Variants in OR6Y1 observed in about 807,000 individuals in gnomAD.
OR6Y1 encodes olfactory receptor family 6 subfamily Y member 1.
Under a neutral mutation model 0.4 loss-of-function variants are expected in OR6Y1, and 1 was observed. The observed-to-expected ratio is 2.74, with a 90% CI of 0.97 to 13.02. The LOEUF (loss-of-function observed/expected upper bound fraction) is 13.02. OR6Y1 is among the 30% of genes most tolerant of loss of function. The pLI is 0.12. For synonymous variants in OR6Y1, 173 were observed against 141.1 expected, an observed-to-expected ratio of 1.23 and a Z score of -1.60; for missense variants, 480 against 399.8, an observed-to-expected ratio of 1.20 and a Z score of -1.71.
chr1:158,550,413 A>G (rs1377480448), intron 1 of OR6Y1, among the ~76,000 whole-genome samples: 1 of 151,500 alleles, frequency 6.6e-6, no homozygotes, highest in African/African-American at 2.4e-5. Context: ...ATACAAGGAA[A>G]TAAAAAGGAA....
At position 158,547,447 on chromosome 1, in the gene OR6Y1, A is replaced by G; in HGVS notation, c.659T>C (p.Val220Ala). ...GGCAAGGATAGCAGCGTAGGATGCC[A>G]CCACAACACAAAGAGGAATAGCAAT... ...MVIAIPLCVV[V>A]ASYAAILATI... Residue 220 changes from valine (V) to alanine (A), a missense_variant, in exon 2 of 2, where the codon GTG (valine) becomes GCG (alanine). Val to Ala is a moderately conservative substitution (Grantham distance 64, BLOSUM62 0). Coordinates refer to ENST00000641622, the MANE Select transcript of OR6Y1 (RefSeq NM_001005189.2). 1 of 1,613,572 alleles carries G rather than the reference A, an allele frequency of 6.2e-7. No homozygotes were observed. Among genetic ancestry groups the G allele is most frequent in the Non-Finnish European group, 8.5e-7 (1 of 1,179,998 alleles).
Position 158,548,748 on chromosome 1 carries a change from A to T in OR6Y1, c.-643T>A, listed in dbSNP as rs1647624307. ...TTCTTCAATACAATCCATTGTATAA[A>T]GTGCTTGCTTAGGAGTTTGACAAAA... On this transcript the variant is annotated 5_prime_UTR_variant, in exon 2 of 2. Coordinates refer to ENST00000641622, the MANE Select transcript of OR6Y1 (RefSeq NM_001005189.2). The T allele has an allele frequency of 6.6e-6, 1 of 151,922 alleles. No individual in the cohort carries two copies. The highest frequency in any genetic ancestry group is 1.5e-5 in the Non-Finnish European group (1 of 68,078). The allele number at this position is 151,922 out of a possible 1,614,324, so 9.4% of individuals were successfully genotyped here. A position where few individuals can be genotyped will look rare whatever the true frequency, so the allele number is the denominator to read the frequency against.
At chr1:158,553,001 C>T (rs1647740503) in intron 1 of OR6Y1, among the ~76,000 whole-genome samples, 1 of 152,174 alleles carries the variant, frequency 6.6e-6, no homozygotes, top group Non-Finnish European at 1.5e-5. Flanking sequence ...GAATGCCTTG[C>T]TGCTATGTAG....
chr1:158,553,548 A>G (rs1647757050), intron 1 of OR6Y1, among the ~76,000 whole-genome samples: 1 of 151,962 alleles, frequency 6.6e-6, no homozygotes, highest in Non-Finnish European at 1.5e-5. Context: ...ACAATTATAT[A>G]TATATACATA....
rs1374489183 is a variant in OR6Y1, at chr1:158,548,269, G to C, written c.-164C>G. 1.4e-5 allele frequency: 9 copies of C among 646,238 alleles called. No individual in the cohort carries two copies. The highest frequency in any genetic ancestry group is 2.3e-5 in the Non-Finnish European group (9 of 390,882). The allele number at this position is 646,238 out of a possible 1,614,324, so 40.0% of individuals were successfully genotyped here. ...AATTATGAAGAGAACCAAAGCTTTT[G>C]AGAAAAGATGGAATTTAGGGAGCTT... On this transcript the variant is annotated 5_prime_UTR_variant, in exon 2 of 2. The change creates a premature stop within an existing upstream ORF in the 5' untranslated region. Transcript: ENST00000641622.
chr1:158,549,780 G>C (rs934050630), intron 1 of OR6Y1, among the ~76,000 whole-genome samples: 1 of 151,606 alleles, frequency 6.6e-6, no homozygotes, highest in African/African-American at 2.4e-5. Flanking sequence ...GGACTTACAA[G>C]CAAGGCAAGG....
rs1647616702 is a variant in OR6Y1, at chr1:158,548,541, CATGACCCCACTT to C, written c.-448_-437del. The C allele has an allele frequency of 6.3e-6, 1 of 159,032 alleles. No homozygotes were observed. Among genetic ancestry groups the C allele is most frequent in the Non-Finnish European group, 1.4e-5 (1 of 72,450 alleles). The allele number at this position is 159,032 out of a possible 1,614,324, so 9.9% of individuals were successfully genotyped here. On this transcript the variant is annotated 5_prime_UTR_variant, in exon 2 of 2. It adds an upstream start codon to the 5' untranslated region. Coordinates refer to ENST00000641622, the MANE Select transcript of OR6Y1 (RefSeq NM_001005189.2). The stretch of plus-strand genomic sequence containing the variant: ...AATTTGGGTGACTCTGGAGTGGTTG[CATGACCCCACTT>C]ATCTGTAAAATGGAGAGAACGTTCT...
At position 158,549,133 on chromosome 1, in the gene OR6Y1, T is replaced by A. The variant is rs947994088; in HGVS notation, c.-1028A>T. 6.6e-6 allele frequency: 1 copy of A among 151,562 alleles called. No homozygotes were observed. The highest frequency in any genetic ancestry group is 2.4e-5 in the African/African-American group (1 of 40,952). 9.4% of individuals were successfully genotyped at this position (151,562 alleles called of 1,614,324 possible). On this transcript the variant is annotated 5_prime_UTR_variant, in exon 2 of 2. Coordinates refer to ENST00000641622, the MANE Select transcript of OR6Y1 (RefSeq NM_001005189.2). ...GAGGACCGTGGGACTTTTCCAAGGG[T>A]AATAAATTTAAAAACTGTAATCTGT...
At position 158,547,691 on chromosome 1, in the gene OR6Y1, C is replaced by T. The variant is rs138675073; in HGVS notation, c.415G>A (p.Val139Ile). 5.6e-6 allele frequency: 9 copies of T among 1,613,410 alleles called. No individual in the cohort carries two copies. The highest frequency in any genetic ancestry group is 7.6e-6 in the Non-Finnish European group (9 of 1,180,014). Residue 139 changes from valine (V) to isoleucine (I), a missense_variant, in exon 2 of 2, where the codon GTC becomes ATC. Val to Ile is a conservative substitution (Grantham distance 29). Transcript: ENST00000641622. ...CCACAGAGCTGGTTGGTCATGATGA[C>T]TGGGTAGCGTAGTGGATTACAAATG... ...VAICNPLRYP[V>I]IMTNQLCGTL...
chr1:158,552,240 G>GTGTATATATATATATATATATATATA (rs1553215920), intron 1 of OR6Y1, among the ~76,000 whole-genome samples: 2 of 139,290 alleles, frequency 1.4e-5, no homozygotes, highest in African/African-American at 5.3e-5. Context: ...ATATATATAT[G>GTGTATATATATATATATATATATATA]TATATATATA....
chr1:158,547,854 G>C lies in OR6Y1; in HGVS notation c.252C>G (p.Pro84=). 1 of 1,613,600 alleles carries C rather than the reference G, an allele frequency of 6.2e-7. No homozygotes were observed. Among genetic ancestry groups the C allele is most frequent in the African/African-American group, 1.3e-5 (1 of 74,566 alleles). The change falls in exon 2 of 2, where the codon CCC becomes CCG. Residue 84 remains proline (P), a synonymous_variant. Transcript: ENST00000641622. ...GACTGAGGAAGTCAACAAGCATCTT[G>C]GGGCTGATGACTGTGACATACCACA... The part of the protein sequence containing the change: ...LEMWYVTVIS[P]KMLVDFLSHD...
intron 1 of OR6Y1, among the ~76,000 whole-genome samples, chr1:158,550,754 T>G (rs1647680784): frequency 6.6e-6 from 1 of 151,736 alleles, no homozygotes; most frequent in Non-Finnish European, 1.5e-5. Context: ...GACAGTCCAT[T>G]GGGCAGGCTT....
chr1:158,551,410 A>G (rs1246532832), intron 1 of OR6Y1, among the ~76,000 whole-genome samples: 1 of 151,806 alleles, frequency 6.6e-6, no homozygotes, highest in Non-Finnish European at 1.5e-5. Flanking sequence ...TCCTCAGATA[A>G]GGAAATCCCA....
In OR6Y1 at chr1:158,545,911, C is replaced by T. The variant is rs1647516991; in HGVS notation, c.*1217G>A. ...CATTAAAAAGTACCAAATACTGTCT[C>T]AGTATTTTTGATCTTAGGAATCACA... On this transcript the variant is annotated 3_prime_UTR_variant, in exon 2 of 2. Coordinates refer to ENST00000641622, the MANE Select transcript of OR6Y1 (RefSeq NM_001005189.2). The T allele has an allele frequency of 6.6e-6, 1 of 152,154 alleles. No individual in the cohort carries two copies. The highest frequency in any genetic ancestry group is 1.5e-5 in the Non-Finnish European group (1 of 68,028). 9.4% of individuals were successfully genotyped at this position (152,154 alleles called of 1,614,324 possible). A position where few individuals can be genotyped will look rare whatever the true frequency, so the allele number is the denominator to read the frequency against.
At position 158,549,466 on chromosome 1, in the gene OR6Y1, G is replaced by A. The variant is rs1010966867; in HGVS notation, c.-1361C>T. 4.0e-5 allele frequency: 6 copies of A among 150,038 alleles called. No homozygotes were observed. Among genetic ancestry groups the A allele is most frequent in the African/African-American group, 9.9e-5 (4 of 40,328 alleles). The allele number at this position is 150,038 out of a possible 1,614,324, so 9.3% of individuals were successfully genotyped here. ...TTTTTTTTTTAAGGAATGATCATGA[G>A]GTTGCAGAGCCAGAAAACTACTGCC... On this transcript the variant is annotated 5_prime_UTR_variant, in exon 2 of 2. Coordinates refer to ENST00000641622, the MANE Select transcript of OR6Y1 (RefSeq NM_001005189.2).
rs1647608732 is a variant in OR6Y1 at position 158,548,228 on chromosome 1, A to G, written c.-123T>C. ...CACAATAGGAGGTTTCTGCTTTTTT[A>G]TCTTACTGCCTCTTGAATTATGAAG... On this transcript the variant is annotated 5_prime_UTR_variant, in exon 2 of 2. The change abolishes the stop of an existing upstream ORF in the 5' untranslated region. Transcript: ENST00000641622. 3.3e-6 allele frequency: 3 copies of G among 907,502 alleles called. No individual in the cohort carries two copies. In the South Asian group the frequency reaches 5.2e-5, roughly 16 times the overall value. The allele number at this position is 907,502 out of a possible 1,614,324, so 56.2% of individuals were successfully genotyped here. A position where few individuals can be genotyped will look rare whatever the true frequency, so the allele number is the denominator to read the frequency against.
rs764398694 is a variant in OR6Y1, at chr1:158,547,431, A to G, written c.675T>C (p.Ala225=). Residue 225 remains alanine, a synonymous_variant, in exon 2 of 2, where the codon GCT becomes GCC. Coordinates refer to ENST00000641622, the MANE Select transcript of OR6Y1 (RefSeq NM_001005189.2). ...GGATCCTGAGGATGGTGGCAAGGAT[A>G]GCAGCGTAGGATGCCACCACAACAC... ...PLCVVVASYA[A]ILATILRIPS... 1 of 1,613,592 alleles carries G rather than the reference A, an allele frequency of 6.2e-7. No homozygotes were observed. Among genetic ancestry groups the G allele is most frequent in the Admixed American group, 1.7e-5 (1 of 59,984 alleles).
intron 1 of OR6Y1, among the ~76,000 whole-genome samples, chr1:158,550,348 C>A (rs977336853): frequency 4.0e-5 from 6 of 151,340 alleles, no homozygotes; most frequent in Non-Finnish European, 5.9e-5. Flanking sequence ...ACTATGCATT[C>A]ATTCATTCTT....
Position 158,548,026 on chromosome 1 carries a change from G to T in OR6Y1, c.80C>A (p.Ala27Asp). The change falls in exon 2 of 2, where the codon GCC (alanine) becomes GAC (aspartate). Residue 27 changes from alanine (A) to aspartate (D), a missense_variant. Transcript: ENST00000641622. ...AATGGAGAAAAAGAGAAGCTGGAAG[G>T]CTGGTCGTGTTGGAAACCCCAGAAG... Reference protein sequence around the residue: ...FILLGFPTRPAFQLLFFSIFL... With the variant: ...FILLGFPTRPDFQLLFFSIFL... 1.2e-6 allele frequency: 2 copies of T among 1,613,546 alleles called. No individual in the cohort carries two copies. The highest frequency in any genetic ancestry group is 1.7e-6 in the Non-Finnish European group (2 of 1,179,962).
Sources: gnomAD v4.1 joint callset for allele counts (sites outside exome capture counted in the v4.1 genomes callset) on GRCh38, gnomAD v4.1.1 for gene constraint, MANE v1.5 for transcripts, NCBI Gene and HGNC (gene_info 2026-07-23, HGNC 2026-07-21) for gene names.